The following FAM167A variants were observed in gnomAD, a reference collection of about 807,000 sequenced individuals.
The protein encoded by FAM167A is family with sequence similarity 167 member A.
FAM167A carries 23 observed loss-of-function variants against 14.9 expected under a neutral mutation model. The ratio of observed to expected loss-of-function variants is 1.55; its 90% CI spans 1.11 to 2.19. The LOEUF (loss-of-function observed/expected upper bound fraction) is 2.19. FAM167A is among the 30% of genes most tolerant of loss of function. The pLI, the probability that FAM167A is intolerant of heterozygous loss-of-function variation, is 0.00. For synonymous variants in FAM167A, 174 were observed against 117.7 expected (o/e 1.48, Z -3.10); for missense variants, 401 against 281.5 (o/e 1.42, Z -3.04).
chr8:11,428,815 T>G (rs1257028148), intron 2 of FAM167A, among the ~76,000 whole-genome samples: 1 of 152,188 alleles, frequency 6.6e-6, no homozygotes. Flanking sequence ...ACTTTGCACC[T>G]TAAACACTAA....
At chr8:11,459,250 G>T (rs1253026180) in intron 1 of FAM167A, among the ~76,000 whole-genome samples, 1 of 152,094 alleles carries the variant, frequency 6.6e-6, no homozygotes, top group African/African-American at 2.4e-5. Flanking sequence ...TATCTCTACT[G>T]CAGGCAAGGA....
chr8:11,447,183 C>CTTTTCTTTTTTTTTTTTTTTTTT (rs146992974), intron 1 of FAM167A, among the ~76,000 whole-genome samples: 1 of 147,012 alleles, frequency 6.8e-6, no homozygotes. Context: ...GGTTTCTTTT[C>CTTTTCTTTTTTTTTTTTTTTTTT]TTTTTCTTTT....
In FAM167A at chr8:11,474,985, A is replaced by G. The variant is rs1797822311; in HGVS notation, c.-398+881T>C. Among the ~76,000 whole-genome samples the G allele has an allele frequency of 2.0e-5, 3 of 152,314 alleles. No homozygotes were observed. The South Asian group carries it at 6.2e-4, about 32-fold the overall frequency. On this transcript the variant is annotated intron_variant, in intron 1 of 1. Coordinates refer to the FAM167A transcript ENST00000648766. ...GTTCAGAGTGGGTTGCACTCTGCCCAGCAGCCAAGTGTCCTGGAGTGAGGA... is the reference window on the plus strand; with the variant it reads ...GTTCAGAGTGGGTTGCACTCTGCCCGGCAGCCAAGTGTCCTGGAGTGAGGA...
upstream of FAM167A, among the ~76,000 whole-genome samples, chr8:11,469,067 C>T (rs1173056156): frequency 6.6e-6 from 1 of 152,156 alleles, no homozygotes; most frequent in Non-Finnish European, 1.5e-5. Flanking sequence ...AAATAATATT[C>T]TCAAAAGCTA....
In FAM167A at chr8:11,433,053, C is replaced by T. The variant is rs187384126; in HGVS notation, c.382-8417G>A. On this transcript the variant is annotated intron_variant, in intron 2 of 2. Transcript: ENST00000284486. ...CACAGGGAGGGGAACATCACATACCCGGGCCTGTTGGGGGGTAGGGAGGGA... is the reference window on the plus strand; with the variant it reads ...CACAGGGAGGGGAACATCACATACCTGGGCCTGTTGGGGGGTAGGGAGGGA... Among the ~76,000 whole-genome samples the T allele has an allele frequency of 1.2e-3, 188 of 152,038 alleles. 1 individual carries two copies. The highest frequency in any genetic ancestry group is 4.0e-3 in the African/African-American group (166 of 41,448).
At chr8:11,470,086 A>T (rs2117171120), upstream of FAM167A, among the ~76,000 whole-genome samples, 1 of 152,278 alleles carries the variant, frequency 6.6e-6, no homozygotes, top group Non-Finnish European at 1.5e-5. Flanking sequence ...AGAACTGATA[A>T]TCTAGCAGAG....
intron 1 of FAM167A, chr8:11,445,348 C>T (rs1806718729): frequency 3.0e-6 from 3 of 986,244 alleles, no homozygotes; most frequent in South Asian, 9.4e-5. Flanking sequence ...AGGTCCTGTC[C>T]TCCAGCAGCC....
chr8:11,463,832 T>C (rs893173821), intron 1 of FAM167A, among the ~76,000 whole-genome samples: 2 of 152,188 alleles, frequency 1.3e-5, no homozygotes, highest in African/African-American at 2.4e-5. Flanking sequence ...ATCACACTTA[T>C]GGGCACCCGA....
chr8:11,465,069 C>T (rs1042728307), intron 1 of FAM167A, among the ~76,000 whole-genome samples: 1 of 152,112 alleles, frequency 6.6e-6, no homozygotes, highest in Non-Finnish European at 1.5e-5. Context: ...GGGGAGCAAC[C>T]CTTTCTTCTG....
Position 11,455,195 on chromosome 8 carries a change from T to C in FAM167A, c.-397-10387A>G, listed in dbSNP as rs566059240. Among the ~76,000 whole-genome samples, 7 of 135,706 alleles carry C rather than the reference T, an allele frequency of 5.2e-5. No individual in the cohort carries two copies. The East Asian group carries it at 1.4e-3, about 27-fold the overall frequency. The allele number at this position is 135,706 out of a possible 152,430, so 89.0% of individuals were successfully genotyped here. A position where few individuals can be genotyped will look rare whatever the true frequency, so the allele number is the denominator to read the frequency against. ...TTGCCTTGCTGAGTGTGGGTGGTGG[T>C]TGCCTTGCTCTGTGTGTGTGTGTGA... On this transcript the variant is annotated intron_variant, in intron 1 of 2. Coordinates refer to ENST00000284486, the MANE Select transcript of FAM167A (RefSeq NM_053279.3).
intron 2 of FAM167A, among the ~76,000 whole-genome samples, chr8:11,440,148 A>C (rs999477204): frequency 2.0e-5 from 3 of 152,154 alleles, no homozygotes; most frequent in Admixed American, 1.3e-4. Flanking sequence ...CACTCCCCTG[A>C]GCCAGTGTCC....
chr8:11,436,250 G>A (rs530343941), intron 2 of FAM167A, among the ~76,000 whole-genome samples: 2 of 152,190 alleles, frequency 1.3e-5, no homozygotes, highest in East Asian at 3.9e-4. Context: ...CCACTCAGGG[G>A]TGTCCTTAGC....
chr8:11,456,352 TGCTG>T (rs1807300339), intron 1 of FAM167A, among the ~76,000 whole-genome samples: 2 of 17,540 alleles, frequency 1.1e-4, no homozygotes, highest in African/African-American at 4.1e-4. Context: ...GTGGTTGCCC[TGCTG>T]GGTGTGTGTG....
At chr8:11,475,305 G>C (rs1476912098) in intron 1 of FAM167A, among the ~76,000 whole-genome samples, 1 of 152,192 alleles carries the variant, frequency 6.6e-6, no homozygotes, top group Non-Finnish European at 1.5e-5. Context: ...CATGCTCACA[G>C]AGTTGAAGGA....
chr8:11,432,136 G>C (rs1015461416), intron 2 of FAM167A, among the ~76,000 whole-genome samples: 4 of 152,098 alleles, frequency 2.6e-5, no homozygotes, highest in Admixed American at 2.6e-4. Context: ...TCACATTCAA[G>C]GGAAGCAAAT....
At chr8:11,425,883 C>T (rs1042378921) in intron 2 of FAM167A, among the ~76,000 whole-genome samples, 2 of 152,132 alleles carry the variant, frequency 1.3e-5, no homozygotes, top group Non-Finnish European at 2.9e-5. Flanking sequence ...CCTGCAAAAC[C>T]ATCTCTTGTG....
intron 2 of FAM167A, among the ~76,000 whole-genome samples, chr8:11,428,146 T>C (rs1292725558): frequency 6.6e-6 from 1 of 152,260 alleles, no homozygotes; most frequent in Non-Finnish European, 1.5e-5. Context: ...GCCCCAGGAA[T>C]TGCATCTTTG....
intron 2 of FAM167A, among the ~76,000 whole-genome samples, chr8:11,428,586 C>G (rs1398292314): frequency 6.6e-6 from 1 of 152,208 alleles, no homozygotes; most frequent in African/African-American, 2.4e-5. Flanking sequence ...GGCTTTGGTT[C>G]TGAGGGCATC....
At chr8:11,467,140 C>G (rs945114020), upstream of FAM167A, among the ~76,000 whole-genome samples, 1 of 152,236 alleles carries the variant, frequency 6.6e-6, no homozygotes, top group African/African-American at 2.4e-5. Context: ...GGCAGGAGTT[C>G]ATAGGACCCG....
Sources: allele counts gnomAD v4.1 joint callset (sites outside exome capture counted in the v4.1 genomes callset), GRCh38; gene constraint gnomAD v4.1.1; transcripts MANE v1.5; gene names NCBI Gene and HGNC (gene_info 2026-07-23, HGNC 2026-07-21).